ZNF423: variants seen among roughly 807,000 people sequenced by gnomAD.
ZNF423 encodes the protein zinc finger protein 423.
In ZNF423, 12 loss-of-function variants were observed where a neutral mutation model predicts 95.8. The observed-to-expected ratio is 0.13, with a 90% CI of 0.08 to 0.20. The LOEUF (loss-of-function observed/expected upper bound fraction) is 0.20, where lower values mean the gene tolerates loss of function less well. Among genes scored for constraint, ZNF423 ranks in the 10% least tolerant of loss-of-function variants. The pLI is 1.00. For missense variants in ZNF423, 1,316 were observed against 1,737.1 expected (o/e 0.76, Z 4.31); for synonymous variants, 749 against 711.9 (o/e 1.05, Z -0.83).
intron 2 of ZNF423, among the ~76,000 whole-genome samples, chr16:49,775,537 A>G (rs956238845): frequency 2.6e-5 from 4 of 152,190 alleles, no homozygotes; most frequent in Admixed American, 6.5e-5. Context: ...CATGTCATGT[A>G]CCCTCTCACT....
chr16:49,598,815 CA>C (rs1197079253), intron 5 of ZNF423, among the ~76,000 whole-genome samples: 1 of 152,218 alleles, frequency 6.6e-6, no homozygotes, highest in African/African-American at 2.4e-5. Context: ...GGACTGGATG[CA>C]GATGGTTTAT....
chr16:49,666,488 C>A (rs1372784859), intron 3 of ZNF423, among the ~76,000 whole-genome samples: 2 of 152,242 alleles, frequency 1.3e-5, no homozygotes. Flanking sequence ...CAGTTACATA[C>A]ATGCACGGTT....
At chr16:49,545,706 G>A (rs780851008) in intron 5 of ZNF423, among the ~76,000 whole-genome samples, 3 of 152,206 alleles carry the variant, frequency 2.0e-5, no homozygotes. Flanking sequence ...CCTGTGCTGA[G>A]CCACAGTTCT....
At chr16:49,654,728 A>G (rs1973543218) in intron 3 of ZNF423, among the ~76,000 whole-genome samples, 1 of 152,208 alleles carries the variant, frequency 6.6e-6, no homozygotes, top group Non-Finnish European at 1.5e-5. Context: ...CTGATGCACA[A>G]ATGAGAAAGT....
chr16:49,636,253 G>T lies in ZNF423; in HGVS notation c.2923C>A (p.Arg975Ser), dbSNP rs773112623. The change falls in exon 4 of 8, where the codon CGC (arginine) becomes AGC (serine). Residue 975 changes from arginine to serine, a missense_variant. By Grantham distance (110) the Arg-to-Ser change is moderately radical. Around this residue, in one of 6 missense-constraint regions of ZNF423, gnomAD observed 620 missense variants for 775.6 expected, o/e 0.80. Transcript: ENST00000563137. The surrounding 1 kb of genome is among the most constrained non-coding windows in gnomAD (Gnocchi z 8.6). ...KHYMCPICGERFPSLLTLTEH... is the reference protein window; with the variant it reads ...KHYMCPICGESFPSLLTLTEH... ...GTGAGCGTCAGCAGCGAAGGGAAGC[G>T]CTCACCACAGATGGGACACATGTAG... is the stretch of plus-strand genomic sequence containing the variant. 6.2e-6 allele frequency: 10 copies of T among 1,612,864 alleles called. No individual in the cohort carries two copies. Among genetic ancestry groups the T allele is most frequent in the South Asian group, 1.1e-5 (1 of 91,076 alleles).
intron 1 of ZNF423, among the ~76,000 whole-genome samples, chr16:49,846,013 G>A (rs957572466): frequency 4.6e-5 from 7 of 152,142 alleles, no homozygotes; most frequent in African/African-American, 1.7e-4. Flanking sequence ...CCAACACAGA[G>A]AGGAGACTGC....
At chr16:49,842,582 TG>T (rs1204640463) in intron 1 of ZNF423, among the ~76,000 whole-genome samples, 12 of 151,714 alleles carry the variant, frequency 7.9e-5, no homozygotes, top group Non-Finnish European at 8.8e-5. Flanking sequence ...CCTCATATCT[TG>T]GGGGGGAAAA....
intron 3 of ZNF423, among the ~76,000 whole-genome samples, chr16:49,704,136 G>A (rs1374001640): frequency 6.6e-6 from 1 of 152,152 alleles, no homozygotes; most frequent in African/African-American, 2.4e-5. Context: ...CCAGAGGGCA[G>A]TCTTAGCCCC....
intron 1 of ZNF423, among the ~76,000 whole-genome samples, chr16:49,798,494 C>A (rs1400437040): frequency 3.3e-5 from 5 of 152,120 alleles, no homozygotes; most frequent in Admixed American, 6.5e-5. Flanking sequence ...GGTGACAGAG[C>A]AAGACTCTGT....
chr16:49,534,071 G>A (rs1968961330), intron 5 of ZNF423, among the ~76,000 whole-genome samples: 1 of 152,052 alleles, frequency 6.6e-6, no homozygotes, highest in South Asian at 2.1e-4. Flanking sequence ...CCAGGACTTT[G>A]AGGTTACATT....
chr16:49,713,365 C>T (rs1213938085), intron 3 of ZNF423, among the ~76,000 whole-genome samples: 1 of 152,234 alleles, frequency 6.6e-6, no homozygotes, highest in Non-Finnish European at 1.5e-5. Flanking sequence ...ATATTTGCCA[C>T]TGTCCCCTCT....
intron 5 of ZNF423, among the ~76,000 whole-genome samples, chr16:49,549,111 T>G (rs920549922): frequency 6.6e-6 from 1 of 152,222 alleles, no homozygotes; most frequent in African/African-American, 2.4e-5. Context: ...ACTCGAACTA[T>G]TGAATGAAAT....
intron 3 of ZNF423, among the ~76,000 whole-genome samples, chr16:49,683,872 A>G (rs983419561): frequency 3.9e-5 from 6 of 152,118 alleles, no homozygotes; most frequent in Admixed American, 2.0e-4. Context: ...GAGCCCAGGA[A>G]CCAGCCTGGG....
chr16:49,505,959 A>G (rs2151670401), intron 7 of ZNF423, among the ~76,000 whole-genome samples: 1 of 152,338 alleles, frequency 6.6e-6, no homozygotes, highest in East Asian at 1.9e-4. Context: ...TTCTATCACC[A>G]GGCAGAAGTC....
chr16:49,733,600 C>T (rs907889459), intron 2 of ZNF423, among the ~76,000 whole-genome samples: 2 of 152,146 alleles, frequency 1.3e-5, no homozygotes, highest in African/African-American at 2.4e-5. Flanking sequence ...CCCCTATGGC[C>T]GGCTACTAAT....
intron 3 of ZNF423, among the ~76,000 whole-genome samples, chr16:49,678,055 C>T (rs760360501): frequency 2.4e-4 from 37 of 151,870 alleles, no homozygotes; most frequent in Non-Finnish European, 4.4e-4. Flanking sequence ...TGGTGATGGG[C>T]GCCTGTAATC....
Position 49,588,361 on chromosome 16 carries a change from C to T in ZNF423, c.3601+37809G>A, listed in dbSNP as rs774403361. 4.6e-5 allele frequency among the ~76,000 whole-genome samples: 7 copies of T among 152,298 alleles called. No homozygotes were observed. The South Asian group carries it at 1.2e-3, about 27-fold the overall frequency. On this transcript the variant is annotated intron_variant, in intron 5 of 7. Transcript: ENST00000563137. The stretch of plus-strand genomic sequence containing the variant: ...GTCCAGAGGGGTGGCAGCTGGCTCC[C>T]GACCTTACATACGCTGAGGCTAAGC...
intron 5 of ZNF423, among the ~76,000 whole-genome samples, chr16:49,608,826 C>G (rs1432987727): frequency 6.6e-6 from 1 of 152,226 alleles, no homozygotes; most frequent in Non-Finnish European, 1.5e-5. Flanking sequence ...ATGACCCCAC[C>G]ACCATCCACT....
chr16:49,602,681 C>T (rs970560833), intron 5 of ZNF423, among the ~76,000 whole-genome samples: 10 of 152,144 alleles, frequency 6.6e-5, no homozygotes, highest in Admixed American at 6.5e-5. Context: ...AGCAGCCATG[C>T]GTTTCCAGCA....
Sources: gnomAD v4.1 joint callset for allele counts (sites outside exome capture counted in the v4.1 genomes callset) on GRCh38, gnomAD v4.1.1 for gene constraint, gnomAD v4.1.1 regional missense constraint, Gnocchi (gnomAD v3.1) non-coding constraint, MANE v1.5 for transcripts, NCBI Gene and HGNC (gene_info 2026-07-23, HGNC 2026-07-21) for gene names.